Variants in UHRF2 observed in about 807,000 individuals in gnomAD.
The protein encoded by UHRF2 is E3 ubiquitin-protein ligase UHRF2.
In UHRF2, 23 loss-of-function variants were observed where a neutral mutation model predicts 96.8. The observed-to-expected ratio is 0.24, with a 90% CI of 0.17 to 0.34. The LOEUF (loss-of-function observed/expected upper bound fraction) is 0.34. UHRF2 is among the 10% of genes least tolerant of loss of function. The pLI is 1.00. For missense variants in UHRF2, 685 were observed against 981.5 expected (o/e 0.70, Z 4.04); for synonymous variants, 385 against 332.6 (o/e 1.16, Z -1.72).
intron 5 of UHRF2, 51 bp from the exon 6 acceptor site, chr9:6,477,571 G>A: frequency 6.7e-7 from 1 of 1,485,486 alleles, no homozygotes; most frequent in Non-Finnish European, 9.1e-7. Context: ...GAGATTCATA[G>A]ATATAAAAAA....
At chr9:6,434,411 G>A in intron 3 of UHRF2, 1 of 394,724 alleles carries the variant, frequency 2.5e-6, no homozygotes. Flanking sequence ...AATTTAGGGT[G>A]TATGGGTTTC....
chr9:6,504,744 T>A, intron 15 of UHRF2, 53 bp downstream of exon 15: 1 of 1,402,106 alleles, frequency 7.1e-7, no homozygotes, highest in Non-Finnish European at 1.0e-6. Context: ...GCACACTAAT[T>A]TCTATACCTG....
At chr9:6,505,696 C>G (rs1816546443) in intron 15 of UHRF2, among the ~76,000 whole-genome samples, 1 of 152,126 alleles carries the variant, frequency 6.6e-6, no homozygotes, top group Non-Finnish European at 1.5e-5. Context: ...TTTTCCCCCT[C>G]TAGGGCTCTG....
At chr9:6,479,681 A>T (rs530858200) in intron 6 of UHRF2, among the ~76,000 whole-genome samples, 26 of 152,258 alleles carry the variant, frequency 1.7e-4, no homozygotes, top group African/African-American at 5.8e-4. Flanking sequence ...GGAGTTCTTG[A>T]TTTCCACAAA....
At chr9:6,447,023 G>T (rs764125623) in intron 3 of UHRF2, among the ~76,000 whole-genome samples, 1 of 151,882 alleles carries the variant, frequency 6.6e-6, no homozygotes, top group Non-Finnish European at 1.5e-5. Flanking sequence ...CAAGTAGCTG[G>T]GACCACAGGT....
At chr9:6,445,537 A>G (rs944308791) in intron 3 of UHRF2, among the ~76,000 whole-genome samples, 1 of 152,186 alleles carries the variant, frequency 6.6e-6, no homozygotes, top group Non-Finnish European at 1.5e-5. Flanking sequence ...CTGGAATTAC[A>G]GAGGTGAGCC....
At chr9:6,427,811 A>G (rs1323500560) in intron 2 of UHRF2, among the ~76,000 whole-genome samples, 1 of 152,230 alleles carries the variant, frequency 6.6e-6, no homozygotes, top group Non-Finnish European at 1.5e-5. Context: ...ACTAGATACC[A>G]CTACTACATA....
intron 9 of UHRF2, among the ~76,000 whole-genome samples, chr9:6,491,925 G>T (rs576933886): frequency 1.3e-5 from 2 of 152,180 alleles, no homozygotes; most frequent in South Asian, 4.2e-4. Flanking sequence ...TAGAGACAAG[G>T]TCTCGCTATG....
In UHRF2 at chr9:6,483,782, C is replaced by T. The variant is rs1345164129; in HGVS notation, c.1392+1683C>T. Among the ~76,000 whole-genome samples the T allele has an allele frequency of 5.9e-5, 9 of 152,004 alleles. 1 individual carries two copies. The highest frequency in any genetic ancestry group is 2.2e-4 in the African/African-American group (9 of 41,380). On this transcript the variant is annotated intron_variant, in intron 8 of 15. Transcript: ENST00000276893. ...TTGGCTCACCACAACCTCTACCTCCCGGGTTCAAGCAATTCTCCTGCCTCA... is the reference window on the plus strand; with the variant it reads ...TTGGCTCACCACAACCTCTACCTCCTGGGTTCAAGCAATTCTCCTGCCTCA...
chr9:6,443,506 A>T (rs1030412028), intron 3 of UHRF2, among the ~76,000 whole-genome samples: 14 of 152,234 alleles, frequency 9.2e-5, no homozygotes, highest in Admixed American at 7.2e-4. Context: ...GCTTTTAAAA[A>T]ACTATTGTAA....
At chr9:6,415,356 A>G (rs1406122949) in intron 1 of UHRF2, 1 of 152,246 alleles carries the variant, frequency 6.6e-6, no homozygotes, top group Non-Finnish European at 1.5e-5. Context: ...ATAAACCAGT[A>G]GGGTAGAGGA....
chr9:6,482,644 T>C (rs1034846991), intron 8 of UHRF2, among the ~76,000 whole-genome samples: 12 of 151,164 alleles, frequency 7.9e-5, no homozygotes, highest in Non-Finnish European at 7.4e-5. Flanking sequence ...TTGCCTAGGC[T>C]GGAGTGCAGT....
intron 8 of UHRF2, chr9:6,484,536 G>A (rs1824142631): frequency 6.7e-6 from 1 of 148,528 alleles, no homozygotes; most frequent in African/African-American, 2.5e-5. Context: ...CAGAGTAGCT[G>A]AAACTACAGG....
intron 3 of UHRF2, among the ~76,000 whole-genome samples, chr9:6,443,913 G>A (rs1457876448): frequency 6.6e-6 from 1 of 152,174 alleles, no homozygotes; most frequent in Non-Finnish European, 1.5e-5. Flanking sequence ...TCAGTCTGTG[G>A]TACATGATTT....
chr9:6,437,819 C>T (rs1820939789), intron 3 of UHRF2, among the ~76,000 whole-genome samples: 1 of 152,018 alleles, frequency 6.6e-6, no homozygotes, highest in African/African-American at 2.4e-5. Flanking sequence ...GGTTTCACCA[C>T]GTTGGCCAAG....
At chr9:6,440,627 A>T (rs1426188086) in intron 3 of UHRF2, among the ~76,000 whole-genome samples, 1 of 152,224 alleles carries the variant, frequency 6.6e-6, no homozygotes, top group Non-Finnish European at 1.5e-5. Context: ...CTATTGAGCT[A>T]AACCGTAGGT....
intron 4 of UHRF2, among the ~76,000 whole-genome samples, chr9:6,461,830 T>A (rs1483289786): frequency 2.6e-5 from 4 of 152,200 alleles, no homozygotes; most frequent in Admixed American, 6.5e-5. Flanking sequence ...ACTAATTTCC[T>A]TTTTAATAAA....
At chr9:6,443,139 A>G (rs780470175) in intron 3 of UHRF2, among the ~76,000 whole-genome samples, 1 of 152,226 alleles carries the variant, frequency 6.6e-6, no homozygotes, top group Non-Finnish European at 1.5e-5. Flanking sequence ...TCTGTATCTG[A>G]TCTTAAGAAT....
intron 4 of UHRF2, among the ~76,000 whole-genome samples, chr9:6,472,467 G>A (rs1043966099): frequency 6.6e-6 from 1 of 152,188 alleles, no homozygotes; most frequent in African/African-American, 2.4e-5. Context: ...TAGTATAACA[G>A]CTATAGACAA....
Sources: allele counts gnomAD v4.1 joint callset (sites outside exome capture counted in the v4.1 genomes callset), GRCh38; gene constraint gnomAD v4.1.1; transcripts MANE v1.5; gene names NCBI Gene and HGNC (gene_info 2026-07-23, HGNC 2026-07-21).